TRAF7: variants seen among roughly 807,000 people sequenced by gnomAD.
TRAF7 encodes TNF receptor associated factor 7.
TRAF7 carries 45 observed loss-of-function variants against 89.3 expected under a neutral mutation model. That is an observed-to-expected ratio of 0.50 (90% CI 0.40 to 0.65). The LOEUF is 0.65. Ranked by LOEUF, TRAF7 falls within the 30% of genes least tolerant of loss-of-function variation. The probability of loss-of-function intolerance (pLI) is 0.00; values close to 1 mark genes in which losing one functional copy is unlikely to be tolerated. For synonymous variants in TRAF7, 406 were observed against 369.2 expected (o/e 1.10, Z -1.14); for missense variants, 677 against 918.1 (o/e 0.74, Z 3.39).
At position 2,163,851 on chromosome 16, in the gene TRAF7, T is replaced by C. The variant is rs2093067039; in HGVS notation, c.-38-32T>C. 1.4e-6 allele frequency: 2 copies of C among 1,402,222 alleles called. No individual in the cohort carries two copies. The highest frequency in any genetic ancestry group is 2.0e-6 in the Non-Finnish European group (2 of 1,002,844). The allele number at this position is 1,402,222 out of a possible 1,614,324, so 86.9% of individuals were successfully genotyped here. On this transcript the variant is annotated intron_variant, in intron 1 of 20. Coordinates refer to ENST00000326181, the MANE Select transcript of TRAF7 (RefSeq NM_032271.3). The surrounding 1 kb of genome is among the most constrained non-coding windows in gnomAD (Gnocchi z 4.3). ...GACTCACAGGGGCCTGGGCTCCATC[T>C]CTCAAGCCCCTCATTTGTGCTCCAC...
At position 2,170,641 on chromosome 16, in the gene TRAF7, G is replaced by C. The variant is rs780287797; in HGVS notation, c.259G>C (p.Asp87His). 2 of 1,610,208 alleles carry C rather than the reference G, an allele frequency of 1.2e-6. No individual in the cohort carries two copies. The highest frequency in any genetic ancestry group is 1.7e-6 in the Non-Finnish European group (2 of 1,178,684). Reference protein sequence around the residue: ...MPPISTPRRSDSAISVRSLHS... With the variant: ...MPPISTPRRSHSAISVRSLHS... ...CCCCATCAGCACTCCCCGCCGCTCC[G>C]ACTCCGCCATCTCTGTCCGCTCCCT... Residue 87 changes from aspartate (D) to histidine (H), a missense_variant, in exon 5 of 21, where the codon GAC (aspartate) becomes CAC (histidine). Physicochemically the swap from Asp to His is moderately conservative, Grantham distance 81 (BLOSUM62 -1). Around this residue, in one of 6 missense-constraint regions of TRAF7, gnomAD observed 240 missense variants for 191.9 expected, o/e 1.25. Transcript: ENST00000326181.
chr16:2,163,416 G>C lies in TRAF7; in HGVS notation c.-38-467G>C, dbSNP rs1261908753. 5.6e-6 allele frequency: 1 copy of C among 179,090 alleles called. No individual in the cohort carries two copies. Among genetic ancestry groups the C allele is most frequent in the African/African-American group, 2.4e-5 (1 of 41,668 alleles). The allele number at this position is 179,090 out of a possible 1,614,324, so 11.1% of individuals were successfully genotyped here. A position where few individuals can be genotyped will look rare whatever the true frequency, so the allele number is the denominator to read the frequency against. ...TGCTGGCTGGGTCCTGACCGCACCT[G>C]TCGTGGCAGGAAACACATTCGTCGT... On this transcript the variant is annotated intron_variant, in intron 1 of 20. Coordinates refer to ENST00000326181, the MANE Select transcript of TRAF7 (RefSeq NM_032271.3). This position sits in a 1 kb window ranked among gnomAD's most constrained non-coding sequence, Gnocchi z 4.3.
At chr16:2,167,854 G>A (rs1203658195) in intron 3 of TRAF7, among the ~76,000 whole-genome samples, 3 of 152,124 alleles carry the variant, frequency 2.0e-5, no homozygotes, top group Non-Finnish European at 4.4e-5. Context: ...GGACTGTCCA[G>A]ATGTAGACCG....
chr16:2,176,484 G>A (rs566981468), intron 20 of TRAF7, 76 bp from the exon 21 acceptor site: 1 of 1,613,154 alleles, frequency 6.2e-7, no homozygotes, highest in East Asian at 2.2e-5. Context: ...GTGGAGGGCA[G>A]GTACGTGTGG....
chr16:2,164,533 G>A lies in TRAF7; in HGVS notation c.81+532G>A, dbSNP rs372550674. On this transcript the variant is annotated intron_variant, in intron 2 of 20. Transcript: ENST00000326181. ...GCCTGGCCTGGTCGCATGGTTAAGC[G>A]TGTGAGTGCTGCGTGGCCTGGCCTG... Among the ~76,000 whole-genome samples the A allele has an allele frequency of 6.9e-4, 96 of 139,538 alleles. No individual in the cohort carries two copies. In the East Asian group the frequency reaches 0.014, roughly 21 times the overall value. The allele number at this position is 139,538 out of a possible 152,430, so 91.5% of individuals were successfully genotyped here.
intron 2 of TRAF7, among the ~76,000 whole-genome samples, chr16:2,165,633 G>C (rs928596729): frequency 8.4e-6 from 1 of 118,582 alleles, no homozygotes; most frequent in African/African-American, 3.9e-5. Context: ...TGGTCGCATG[G>C]TTAAGCGTGT....
At position 2,176,334 on chromosome 16, in the gene TRAF7, G is replaced by T; in HGVS notation, c.1948G>T (p.Ala650Ser). Reference sequence around the variant, plus strand: ...TCACCAGGGCAGTGTCACCGCGCTGGCTGTGTCCCGGGGCCGACTCTTCTC... The same window carrying T: ...TCACCAGGGCAGTGTCACCGCGCTGTCTGTGTCCCGGGGCCGACTCTTCTC... ...LRHQGSVTAL[A>S]VSRGRLFSGA... Residue 650 changes from alanine (A) to serine (S), a missense_variant, in exon 20 of 21, where the codon GCT becomes TCT. By Grantham distance (99) the Ala-to-Ser change is moderately conservative. Coordinates refer to ENST00000326181, the MANE Select transcript of TRAF7 (RefSeq NM_032271.3). 6.2e-7 allele frequency: 1 copy of T among 1,604,526 alleles called. No individual in the cohort carries two copies.
intron 9 of TRAF7, 23 bp downstream of exon 9, chr16:2,172,622 T>TG: frequency 6.6e-6 from 5 of 752,300 alleles, no homozygotes; most frequent in Non-Finnish European, 8.1e-6. Flanking sequence ...CGGGCGGGGG[T>TG]GGGCCGGGGT....
At position 2,165,617 on chromosome 16, in the gene TRAF7, GCA is replaced by G. The variant is rs1567248431; in HGVS notation, c.82-261_82-260del. On this transcript the variant is annotated intron_variant, in intron 2 of 20. Transcript: ENST00000326181. ...GTTAAGCGTGTGAGTGCTGTGTGGC[GCA>G]GCCTGGTCGCATGGTTAAGCGTGTG... Among the ~76,000 whole-genome samples, 28 of 110,870 alleles carry G rather than the reference GCA, an allele frequency of 2.5e-4. 2 individuals are homozygous for G. The highest frequency in any genetic ancestry group is 4.3e-4 in the Non-Finnish European group (24 of 56,304). The allele number at this position is 110,870 out of a possible 152,430, so 72.7% of individuals were successfully genotyped here.
At chr16:2,169,877 C>T (rs1366114314) in intron 4 of TRAF7, among the ~76,000 whole-genome samples, 4 of 152,166 alleles carry the variant, frequency 2.6e-5, no homozygotes, top group South Asian at 4.1e-4. Flanking sequence ...GCCAGAGGCT[C>T]GGCAGAGCAG....
At position 2,163,378 on chromosome 16, in the gene TRAF7, C is replaced by T. The variant is rs796164284; in HGVS notation, c.-38-505C>T. ...CTCTGGGGTGTGGCTGGTGTCTCCC[C>T]GCTGCAGCCTGGTGCTGGCTGGGTC... On this transcript the variant is annotated intron_variant, in intron 1 of 20. Coordinates refer to ENST00000326181, the MANE Select transcript of TRAF7 (RefSeq NM_032271.3). The surrounding 1 kb of genome is among the most constrained non-coding windows in gnomAD (Gnocchi z 4.3). Among the ~76,000 whole-genome samples the T allele has an allele frequency of 2.0e-5, 3 of 152,298 alleles. No homozygotes were observed. The highest frequency in any genetic ancestry group is 4.1e-4 in the South Asian group (2 of 4,830).
At chr16:2,165,848 T>A in intron 2 of TRAF7, 31 bp from the exon 3 acceptor site, 1 of 1,613,796 alleles carries the variant, frequency 6.2e-7, no homozygotes, top group Non-Finnish European at 8.5e-7. Flanking sequence ...TGTCCCGGAA[T>A]GAGGCCAGGT....
chr16:2,161,318 T>G lies in TRAF7; in HGVS notation c.-38-2565T>G, dbSNP rs1371033156. ...CGCACACCCCACAGATCCTGTGGTG[T>G]TGTCCCCGTGGCCCGGCTGCTGTTG... On this transcript the variant is annotated intron_variant, in intron 1 of 20. Transcript: ENST00000326181. The surrounding 1 kb of genome is among the most constrained non-coding windows in gnomAD (Gnocchi z 5.2). Among the ~76,000 whole-genome samples, 5 of 151,640 alleles carry G rather than the reference T, an allele frequency of 3.3e-5. No homozygotes were observed. Among genetic ancestry groups the G allele is most frequent in the South Asian group, 2.1e-4 (1 of 4,802 alleles).
In TRAF7 at chr16:2,163,104, C is replaced by A. The variant is rs938664306; in HGVS notation, c.-38-779C>A. Among the ~76,000 whole-genome samples, 1 of 152,162 alleles carries A rather than the reference C, an allele frequency of 6.6e-6. No homozygotes were observed. Among genetic ancestry groups the A allele is most frequent in the Non-Finnish European group, 1.5e-5 (1 of 68,014 alleles). On this transcript the variant is annotated intron_variant, in intron 1 of 20. Transcript: ENST00000326181. This position sits in a 1 kb window ranked among gnomAD's most constrained non-coding sequence, Gnocchi z 4.3. Reference sequence around the variant, plus strand: ...TACTGGTGTCCCTGGGCCTGGCCAGCACTCCCAGCACCCACGGAGGGGCCA... The same window carrying A: ...TACTGGTGTCCCTGGGCCTGGCCAGAACTCCCAGCACCCACGGAGGGGCCA...
intron 3 of TRAF7, 115 bp downstream of exon 3, chr16:2,166,051 G>T: frequency 7.5e-7 from 1 of 1,332,450 alleles, no homozygotes; most frequent in Non-Finnish European, 1.0e-6. Context: ...TGCCAGTGCT[G>T]GGCGCGGGCA....
In TRAF7 at chr16:2,166,637, C is replaced by T. The variant is rs895129165; in HGVS notation, c.139+701C>T. On this transcript the variant is annotated intron_variant, in intron 3 of 20. Transcript: ENST00000326181. ...GGATGGTCTCAAATTCCTGGGCTCACGTGATCCTCCTGCCTTGGCCTCCCA... is the reference window on the plus strand; with the variant it reads ...GGATGGTCTCAAATTCCTGGGCTCATGTGATCCTCCTGCCTTGGCCTCCCA... Among the ~76,000 whole-genome samples the T allele has an allele frequency of 5.3e-5, 8 of 152,146 alleles. No homozygotes were observed. In the South Asian group the frequency reaches 6.2e-4, roughly 12 times the overall value.
At chr16:2,165,665 G>A (rs1476885323) in intron 2 of TRAF7, among the ~76,000 whole-genome samples, 1 of 148,826 alleles carries the variant, frequency 6.7e-6, no homozygotes, top group Non-Finnish European at 1.5e-5. Context: ...GGCCTGGCCT[G>A]GTCGCATGGT....
At chr16:2,164,177 C>CGCGCGCGCACGCGT (rs1555465743) in intron 2 of TRAF7, among the ~76,000 whole-genome samples, 176 bp downstream of exon 2, 1 of 117,724 alleles carries the variant, frequency 8.5e-6, no homozygotes, top group Non-Finnish European at 1.7e-5. Context: ...CGCGCGCGCG[C>CGCGCGCGCACGCGT]GCGCACGCGT....
At position 2,168,220 on chromosome 16, in the gene TRAF7, C is replaced by A; in HGVS notation, c.231+52C>A. On this transcript the variant is annotated intron_variant, in intron 4 of 20. Coordinates refer to ENST00000326181, the MANE Select transcript of TRAF7 (RefSeq NM_032271.3). This position sits in a 1 kb window ranked among gnomAD's most constrained non-coding sequence, Gnocchi z 4.1. ...GTGAGCCTCAGCCTCCCCCCATCCT[C>A]CCTCCTGGGGGAACCAGGTCCCAGG... is the stretch of plus-strand genomic sequence containing the variant. 1 of 1,487,500 alleles carries A rather than the reference C, an allele frequency of 6.7e-7. No homozygotes were observed. Among genetic ancestry groups the A allele is most frequent in the East Asian group, 2.4e-5 (1 of 41,426 alleles). The allele number at this position is 1,487,500 out of a possible 1,614,324, so 92.1% of individuals were successfully genotyped here.
Sources: allele counts gnomAD v4.1 joint callset (sites outside exome capture counted in the v4.1 genomes callset), GRCh38; gene constraint gnomAD v4.1.1; regional missense constraint gnomAD v4.1.1; non-coding constraint Gnocchi (gnomAD v3.1); transcripts MANE v1.5; gene names NCBI Gene and HGNC (gene_info 2026-07-23, HGNC 2026-07-21).